Variants in CNTN4 observed in about 807,000 individuals in gnomAD.
The protein encoded by CNTN4 is contactin-4.
Under a neutral mutation model 122.5 loss-of-function variants are expected in CNTN4, and 77 were observed. The ratio of observed to expected loss-of-function variants is 0.63; its 90% CI spans 0.52 to 0.76. CNTN4 has a LOEUF of 0.76. Ranked by LOEUF, CNTN4 falls within the 30% of genes least tolerant of loss-of-function variation. CNTN4 has a pLI of 0.00. For missense variants in CNTN4, 1,256 were observed against 1,259.1 expected (o/e 1.00, Z 0.04); for synonymous variants, 512 against 447.0 (o/e 1.15, Z -1.83).
chr3:2,213,529 G>A (rs2038708913), intron 2 of CNTN4, among the ~76,000 whole-genome samples: 1 of 152,172 alleles, frequency 6.6e-6, no homozygotes, highest in Admixed American at 6.5e-5. Context: ...CTTCAGCAGT[G>A]TTTCTCCACC....
At chr3:2,650,047 A>G (rs1047583669) in intron 4 of CNTN4, among the ~76,000 whole-genome samples, 1 of 146,906 alleles carries the variant, frequency 6.8e-6, no homozygotes, top group Non-Finnish European at 1.5e-5. Context: ...ATAAATTCAT[A>G]TTATATGTAT....
At chr3:2,452,884 T>C (rs1203396935) in intron 3 of CNTN4, among the ~76,000 whole-genome samples, 2 of 152,126 alleles carry the variant, frequency 1.3e-5, no homozygotes, top group African/African-American at 4.8e-5. Flanking sequence ...CCTAGACCCC[T>C]CTTCTCCATG....
chr3:2,691,289 G>A (rs9870735), intron 4 of CNTN4, among the ~76,000 whole-genome samples: 3,520 of 152,128 alleles, frequency 0.023, 144 homozygotes, highest in African/African-American at 0.08. Flanking sequence ...TGCCCTCATC[G>A]TTTGTTGAAA....
At chr3:2,274,075 A>G (rs558466074) in intron 2 of CNTN4, among the ~76,000 whole-genome samples, 32 of 152,156 alleles carry the variant, frequency 2.1e-4, no homozygotes, top group Middle Eastern at 3.4e-3. Flanking sequence ...TCATACCCAC[A>G]TCTTCATCTA....
intron 2 of CNTN4, among the ~76,000 whole-genome samples, chr3:2,105,095 T>C (rs2032323758): frequency 6.6e-6 from 1 of 152,166 alleles, no homozygotes; most frequent in African/African-American, 2.4e-5. Flanking sequence ...ATGCTTTGCT[T>C]TTTCTCAGTG....
chr3:2,434,349 C>CA (rs569417619), intron 3 of CNTN4, among the ~76,000 whole-genome samples: 2 of 151,506 alleles, frequency 1.3e-5, no homozygotes, highest in Non-Finnish European at 2.9e-5. Flanking sequence ...TGTTTAAAAA[C>CA]AAAAAAGAAA....
chr3:2,514,862 A>C, intron 3 of CNTN4, among the ~76,000 whole-genome samples: 1 of 151,930 alleles, frequency 6.6e-6, no homozygotes. Context: ...GGATGCTTTC[A>C]TTTTTTCTTC....
intron 2 of CNTN4, among the ~76,000 whole-genome samples, chr3:2,113,458 C>T (rs1323690705): frequency 6.6e-6 from 1 of 152,174 alleles, no homozygotes; most frequent in Admixed American, 6.5e-5. Flanking sequence ...TTTCCTCACG[C>T]AGATGCACTG....
intron 4 of CNTN4, among the ~76,000 whole-genome samples, chr3:2,726,349 A>G (rs930030995): frequency 7.2e-5 from 11 of 152,336 alleles, no homozygotes; most frequent in African/African-American, 2.2e-4. Context: ...ATAAATAAGT[A>G]TTAATAACTT....
intron 3 of CNTN4, among the ~76,000 whole-genome samples, chr3:2,545,833 C>G (rs530539548): frequency 6.6e-6 from 1 of 152,110 alleles, no homozygotes; most frequent in South Asian, 2.1e-4. Context: ...CCTTGCCACT[C>G]TGTGCCTTTT....
intron 4 of CNTN4, among the ~76,000 whole-genome samples, chr3:2,685,097 T>C (rs2085363885): frequency 6.6e-6 from 1 of 152,204 alleles, no homozygotes; most frequent in Non-Finnish European, 1.5e-5. Flanking sequence ...TCAGTAATAT[T>C]TATCTGTCAT....
At chr3:2,319,599 A>AGT (rs1559449349) in intron 2 of CNTN4, among the ~76,000 whole-genome samples, 7 of 152,134 alleles carry the variant, frequency 4.6e-5, no homozygotes, top group Admixed American at 4.6e-4. Flanking sequence ...ATGAAAAGTA[A>AGT]ATGTTTCCTC....
chr3:2,275,919 CAAAA>C (rs767326367), intron 2 of CNTN4, among the ~76,000 whole-genome samples: 3 of 107,062 alleles, frequency 2.8e-5, no homozygotes, highest in Middle Eastern at 4.7e-3. Flanking sequence ...GACTCTGTCT[CAAAA>C]AAAAAAAAAA....
At chr3:2,837,370 C>G (rs775699264) in intron 7 of CNTN4, among the ~76,000 whole-genome samples, 8 of 152,252 alleles carry the variant, frequency 5.3e-5, no homozygotes, top group Middle Eastern at 6.8e-3. Context: ...GCTGTCCTTG[C>G]TTTCCTGCCT....
intron 9 of CNTN4, 94 bp from the exon 10 acceptor site, chr3:2,886,946 T>G: frequency 9.4e-7 from 1 of 1,061,588 alleles, no homozygotes; most frequent in Non-Finnish European, 1.4e-6. Flanking sequence ...ACACCCAACC[T>G]TATATGTGTA....
rs893307185 is a variant in CNTN4 at position 2,705,211 on chromosome 3, A to G, written c.56-31004A>G. On this transcript the variant is annotated intron_variant, in intron 4 of 24. Transcript: ENST00000418658. The stretch of plus-strand genomic sequence containing the variant: ...GTGAAACCCCGTCTCTACTAAAACT[A>G]CAAAAAATTAGCTGGGCGTAGTGGC... 2.0e-5 allele frequency among the ~76,000 whole-genome samples: 3 copies of G among 150,576 alleles called. No homozygotes were observed. In the East Asian group the frequency reaches 5.9e-4, roughly 30 times the overall value.
chr3:2,618,243 G>GTATATATA (rs56209132), intron 4 of CNTN4, among the ~76,000 whole-genome samples: 44 of 151,170 alleles, frequency 2.9e-4, no homozygotes, highest in African/African-American at 1.1e-3. Context: ...TTAAATGTGG[G>GTATATATA]TATATATATA....
intron 2 of CNTN4, among the ~76,000 whole-genome samples, chr3:2,268,493 C>T (rs550271024): frequency 6.6e-6 from 1 of 150,862 alleles, no homozygotes; most frequent in South Asian, 2.1e-4. Context: ...GAATTTGATT[C>T]TTTTATTATA....
chr3:2,251,783 C>T (rs2040389414), intron 2 of CNTN4, among the ~76,000 whole-genome samples: 1 of 151,322 alleles, frequency 6.6e-6, no homozygotes, highest in Admixed American at 6.6e-5. Context: ...CTGTACATTA[C>T]ACACCACAGA....
Sources: allele counts gnomAD v4.1 joint callset (sites outside exome capture counted in the v4.1 genomes callset), GRCh38; gene constraint gnomAD v4.1.1; transcripts MANE v1.5; gene names NCBI Gene and HGNC (gene_info 2026-07-23, HGNC 2026-07-21).